Variants in CNTNAP3 observed in about 807,000 individuals in gnomAD.
The protein encoded by CNTNAP3 is contactin-associated protein-like 3.
In CNTNAP3, 36 loss-of-function variants were observed where a neutral mutation model predicts 92.1. The ratio of observed to expected loss-of-function variants is 0.39; its 90% CI spans 0.30 to 0.52. The LOEUF is 0.52. Ranked by LOEUF, CNTNAP3 falls within the 20% of genes least tolerant of loss-of-function variation. The probability of loss-of-function intolerance (pLI) is 0.76; values close to 1 mark genes in which losing one functional copy is unlikely to be tolerated. For missense variants in CNTNAP3, 534 were observed against 1,069.6 expected (o/e 0.50, Z 6.98); for synonymous variants, 232 against 422.3 (o/e 0.55, Z 5.53).
In CNTNAP3 at chr9:39,133,005, C is replaced by G. The variant is rs768477765; in HGVS notation, c.2007G>C (p.Ala669=). 3.9e-6 allele frequency: 6 copies of G among 1,539,910 alleles called. No individual in the cohort carries two copies. The highest frequency in any genetic ancestry group is 2.4e-5 in the South Asian group (2 of 84,570). The part of the protein sequence containing the change: ...YAAGAGQLRS[A]VNLAERCEQR... ...GCTCGCAGCGCTCCGCCAGGTTCAC[C>G]GCGGACCGCAGCTGCCCCGCGCCCG... The change falls in exon 13 of 24, where the codon GCG becomes GCC. Residue 669 remains alanine (A), a synonymous_variant. Coordinates refer to ENST00000297668, the MANE Select transcript of CNTNAP3 (RefSeq NM_033655.5).
rs1475281695 is a variant in CNTNAP3 at position 39,065,909 on chromosome 9, C to T, written c.*7981G>A. On this transcript the variant is annotated 3_prime_UTR_variant, in exon 24 of 24. Transcript: ENST00000297668. ...GCAAATATTTTCTCCCAGTCTGTAGCTTGACTCTTATTCTCTTAACAATGT... is the reference window on the plus strand; with the variant it reads ...GCAAATATTTTCTCCCAGTCTGTAGTTTGACTCTTATTCTCTTAACAATGT... 6.6e-6 allele frequency among the ~76,000 whole-genome samples: 1 copy of T among 152,296 alleles called. No individual in the cohort carries two copies. The highest frequency in any genetic ancestry group is 3.4e-3 in the Middle Eastern group (1 of 294).
intron 14 of CNTNAP3, among the ~76,000 whole-genome samples, chr9:39,114,229 C>G (rs1206909360): frequency 1.3e-5 from 2 of 151,434 alleles, no homozygotes; most frequent in Non-Finnish European, 2.9e-5. Context: ...ACTACAGGCG[C>G]CCACCACCAT....
intron 18 of CNTNAP3, among the ~76,000 whole-genome samples, chr9:39,095,321 C>G (rs1826299921): frequency 1.3e-5 from 2 of 151,646 alleles, no homozygotes; most frequent in Admixed American, 1.3e-4. Context: ...TCTATTTCTT[C>G]TTCTTGCTTA....
intron 14 of CNTNAP3, among the ~76,000 whole-genome samples, chr9:39,111,692 G>A (rs1826751248): frequency 6.6e-6 from 1 of 152,124 alleles, no homozygotes; most frequent in Non-Finnish European, 1.5e-5. Context: ...TAGAGAAAAT[G>A]CAATTTAATT....
At chr9:39,114,112 T>G (rs1820790761) in intron 14 of CNTNAP3, among the ~76,000 whole-genome samples, 1 of 149,302 alleles carries the variant, frequency 6.7e-6, no homozygotes, top group African/African-American at 2.5e-5. Flanking sequence ...AGACAGAGTC[T>G]TGGTCTGTCG....
chr9:39,112,675 G>A (rs946957502), intron 14 of CNTNAP3, among the ~76,000 whole-genome samples: 7 of 152,040 alleles, frequency 4.6e-5, no homozygotes, highest in Admixed American at 2.6e-4. Flanking sequence ...AACTGTTAAT[G>A]ATTATTTTGG....
chr9:39,145,138 A>G, intron 10 of CNTNAP3, among the ~76,000 whole-genome samples: 1 of 138,932 alleles, frequency 7.2e-6, no homozygotes, highest in South Asian at 2.4e-4. Flanking sequence ...CAGGATTGTT[A>G]GGGGAACAGG....
intron 12 of CNTNAP3, 107 bp from the exon 13 acceptor site, chr9:39,133,242 C>T (rs1821348033): frequency 3.0e-6 from 4 of 1,355,386 alleles, no homozygotes; most frequent in East Asian, 5.0e-5. Flanking sequence ...TTGAAATTTA[C>T]ATTACTGCAT....
At position 39,105,906 on chromosome 9, in the gene CNTNAP3, G is replaced by A. The variant is rs533221921; in HGVS notation, c.2366-1992C>T. ...CTCTCTCTTCTATGTGTATTCTACA[G>A]TTATCTATTATGTATATTAAAATCC... is the stretch of plus-strand genomic sequence containing the variant. On this transcript the variant is annotated intron_variant, in intron 15 of 23. Coordinates refer to ENST00000297668, the MANE Select transcript of CNTNAP3 (RefSeq NM_033655.5). Among the ~76,000 whole-genome samples, 172 of 148,024 alleles carry A rather than the reference G, an allele frequency of 1.2e-3. 1 individual carries two copies. Among genetic ancestry groups the A allele is most frequent in the African/African-American group, 4.1e-3 (164 of 40,402 alleles).
Position 39,086,825 on chromosome 9 carries a change from AG to A in CNTNAP3, c.3244del (p.Leu1082Ter). On this transcript the variant is annotated frameshift_variant, in exon 20 of 24. Transcript: ENST00000297668. LOFTEE classifies it high-confidence loss of function. ...TGCATCAGGATTTTGATGTCTATCT[AG>A]CTTGTACCTAATCTGCAAACTTCCT... ...NNGSLQIRYKLDRHQNPDAFT... is the reference protein window; with the variant it reads ...NNGSLQIRYKXDRHQNPDAFT... 2 of 1,608,154 alleles carry A rather than the reference AG, an allele frequency of 1.2e-6. No homozygotes were observed. Among genetic ancestry groups the A allele is most frequent in the Non-Finnish European group, 1.7e-6 (2 of 1,178,436 alleles).
intron 14 of CNTNAP3, among the ~76,000 whole-genome samples, chr9:39,117,436 C>G (rs559694683): frequency 3.3e-5 from 5 of 152,004 alleles, no homozygotes; most frequent in Admixed American, 6.6e-5. Flanking sequence ...TCAAGAGTAA[C>G]CTCAAAAAGA....
At chr9:39,087,788 C>A (rs6476770) in intron 19 of CNTNAP3, among the ~76,000 whole-genome samples, 60,841 of 151,668 alleles carry the variant, frequency 0.4, 13,451 homozygotes, top group African/African-American at 0.56. Context: ...ATCCAGCCTA[C>A]TCAGAGATTT....
chr9:39,088,950 T>A (rs1221008265), intron 18 of CNTNAP3, among the ~76,000 whole-genome samples: 1 of 152,282 alleles, frequency 6.6e-6, no homozygotes, highest in African/African-American at 2.4e-5. Flanking sequence ...TATAAATGTA[T>A]AATTTATAGG....
At chr9:39,174,439 C>G (rs1292873536) in intron 7 of CNTNAP3, 1 of 619,770 alleles carries the variant, frequency 1.6e-6, no homozygotes, top group Non-Finnish European at 2.9e-6. Context: ...CTGTTTTTCC[C>G]TTTTTCTCAT....
chr9:39,127,981 G>A (rs967838993), intron 13 of CNTNAP3, among the ~76,000 whole-genome samples: 1 of 152,066 alleles, frequency 6.6e-6, no homozygotes, highest in Non-Finnish European at 1.5e-5. Flanking sequence ...TGGGATTATA[G>A]GTGTGCGCCA....
In CNTNAP3 at chr9:39,103,824, A is replaced by C. The variant is rs746703463; in HGVS notation, c.2456T>G (p.Phe819Cys). ...GGAGGAAACTGTGGTCTTAAAAAAG[A>C]AGCACACGTCAGCAGTGAGTTCTCC... is the stretch of plus-strand genomic sequence containing the variant. ...FHGELTADVCFFFKTTVSSGV... is the reference protein window; with the variant it reads ...FHGELTADVCCFFKTTVSSGV... The change falls in exon 16 of 24, where the codon TTC becomes TGC. Residue 819 changes from phenylalanine to cysteine, a missense_variant. Phe to Cys is a radical substitution (Grantham distance 205, BLOSUM62 -2). Transcript: ENST00000297668. 5.5e-5 allele frequency: 89 copies of C among 1,611,220 alleles called. No homozygotes were observed. The highest frequency in any genetic ancestry group is 4.7e-4 in the Admixed American group (28 of 59,954).
intron 12 of CNTNAP3, among the ~76,000 whole-genome samples, chr9:39,134,749 C>T (rs1176977993): frequency 6.6e-6 from 1 of 152,126 alleles, no homozygotes; most frequent in Non-Finnish European, 1.5e-5. Flanking sequence ...TTTTTACAAC[C>T]TGGTGTTACT....
chr9:39,126,974 G>A (rs747429567), intron 13 of CNTNAP3, among the ~76,000 whole-genome samples: 13 of 151,416 alleles, frequency 8.6e-5, no homozygotes, highest in Admixed American at 3.3e-4. Flanking sequence ...TTCAAATGCC[G>A]ATGAAACATT....
intron 13 of CNTNAP3, among the ~76,000 whole-genome samples, chr9:39,131,156 T>A (rs1197160704): frequency 6.6e-6 from 1 of 150,632 alleles, no homozygotes; most frequent in Non-Finnish European, 1.5e-5. Flanking sequence ...CTACACTTCA[T>A]TCAACAGCAA....
Sources: allele counts gnomAD v4.1 joint callset (sites outside exome capture counted in the v4.1 genomes callset), GRCh38; gene constraint gnomAD v4.1.1; transcripts MANE v1.5; gene names NCBI Gene and HGNC (gene_info 2026-07-23, HGNC 2026-07-21).